Variants in SCN11A observed in about 807,000 individuals in gnomAD.
SCN11A encodes sodium voltage-gated channel alpha subunit 11.
Under a neutral mutation model 162.2 loss-of-function variants are expected in SCN11A, and 122 were observed. That is an observed-to-expected ratio of 0.75 (90% CI 0.65 to 0.87). The LOEUF (loss-of-function observed/expected upper bound fraction) is 0.87, where lower values mean the gene tolerates loss of function less well. SCN11A is among the 40% of genes least tolerant of loss of function. The pLI is 0.00. For missense variants in SCN11A, 2,015 were observed against 2,181.6 expected (o/e 0.92, Z 1.52); for synonymous variants, 758 against 751.5 (o/e 1.01, Z -0.14).
intron 7 of SCN11A, among the ~76,000 whole-genome samples, chr3:38,941,698 GC>G (rs1293610255): frequency 2.0e-5 from 3 of 151,962 alleles, no homozygotes; most frequent in African/African-American, 4.8e-5. Flanking sequence ...AAGCTAAAAG[GC>G]CAGCAGAGGA....
At chr3:39,042,143 C>T (rs1187829388) in intron 1 of SCN11A, among the ~76,000 whole-genome samples, 1 of 152,058 alleles carries the variant, frequency 6.6e-6, no homozygotes, top group East Asian at 1.9e-4. Flanking sequence ...GTGGTAGGCG[C>T]CTGTAGTCCC....
At chr3:38,855,230 C>T (rs778848390) in intron 28 of SCN11A, among the ~76,000 whole-genome samples, 8 of 152,120 alleles carry the variant, frequency 5.3e-5, no homozygotes, top group South Asian at 4.1e-4. Flanking sequence ...GGGAGCTGGG[C>T]GAGGCCTTTC....
chr3:38,926,360 C>T (rs1358282453), intron 8 of SCN11A, among the ~76,000 whole-genome samples: 4 of 152,132 alleles, frequency 2.6e-5, no homozygotes, highest in Non-Finnish European at 5.9e-5. Flanking sequence ...TTTGTTCTTC[C>T]TATATTCTCT....
rs138722444 is a variant in SCN11A at position 38,979,369 on chromosome 3, C to T, written c.-279-18946G>A. Among the ~76,000 whole-genome samples, 4 of 152,320 alleles carry T rather than the reference C, an allele frequency of 2.6e-5. No individual in the cohort carries two copies. The East Asian group carries it at 5.8e-4, about 22-fold the overall frequency. ...TGTGAGAGATATTGTAAGCTTTCTC[C>T]GGTGAGGTCACCACTGCTTCCTTTG... On this transcript the variant is annotated intron_variant, in intron 2 of 29. Coordinates refer to ENST00000302328, the MANE Select transcript of SCN11A (RefSeq NM_001349253.2).
At chr3:38,877,092 T>C (rs544432324) in intron 23 of SCN11A, among the ~76,000 whole-genome samples, 31 of 41,292 alleles carry the variant, frequency 7.5e-4, no homozygotes, top group African/African-American at 2.6e-3. Context: ...ACTATATATA[T>C]GGTATATATA....
At chr3:38,907,033 G>A (rs2126126816) in intron 14 of SCN11A, among the ~76,000 whole-genome samples, 1 of 152,040 alleles carries the variant, frequency 6.6e-6, no homozygotes, top group South Asian at 2.1e-4. Context: ...TGCAGGTAAT[G>A]CTCTCTTTTT....
chr3:39,033,144 T>C (rs1008804438), intron 1 of SCN11A, among the ~76,000 whole-genome samples: 1 of 147,980 alleles, frequency 6.8e-6, no homozygotes, highest in South Asian at 2.2e-4. Flanking sequence ...CAGAAGGAGG[T>C]TGCATCTTGA....
intron 2 of SCN11A, among the ~76,000 whole-genome samples, chr3:38,970,252 G>A (rs985539651): frequency 2.6e-5 from 4 of 152,074 alleles, no homozygotes; most frequent in African/African-American, 9.7e-5. Context: ...TTCCTCTCAG[G>A]AATGAAACAG....
At chr3:39,039,858 C>T (rs1289683066) in intron 1 of SCN11A, among the ~76,000 whole-genome samples, 1 of 152,072 alleles carries the variant, frequency 6.6e-6, no homozygotes, top group Non-Finnish European at 1.5e-5. Flanking sequence ...TTCCCAGGGA[C>T]CAAGGACCTG....
chr3:38,897,119 A>T lies in SCN11A; in HGVS notation c.2129T>A (p.Ile710Asn). The T allele has an allele frequency of 1.9e-6, 3 of 1,614,120 alleles. No homozygotes were observed. Among genetic ancestry groups the T allele is most frequent in the Non-Finnish European group, 1.7e-6 (2 of 1,180,000 alleles). Residue 710 changes from isoleucine (I) to asparagine (N), a missense_variant, in exon 18 of 30, where the codon ATT becomes AAT. Transcript: ENST00000302328. ...AACTACTGAGAAAATAAAGATCACA[A>T]TGACCAGGACCACAGTCAGGCTTCC... ...ALGSLTVVLV[I>N]VIFIFSVVGM...
rs528810411 is a variant in SCN11A, at chr3:38,858,649, T to C, written c.4056+4546A>G. Among the ~76,000 whole-genome samples, 10 of 152,224 alleles carry C rather than the reference T, an allele frequency of 6.6e-5. No individual in the cohort carries two copies. The South Asian group carries it at 1.9e-3, about 28-fold the overall frequency. On this transcript the variant is annotated intron_variant, in intron 28 of 29. Coordinates refer to ENST00000302328, the MANE Select transcript of SCN11A (RefSeq NM_001349253.2). ...GAAACAATGGACTTAAACTATACCC[T>C]AGAACAAATGAAATTAACAGATATT...
intron 2 of SCN11A, among the ~76,000 whole-genome samples, chr3:38,999,965 A>G (rs2030758849): frequency 6.6e-6 from 1 of 152,254 alleles, no homozygotes. Context: ...AAAGGTGATC[A>G]GCTGTAACCT....
At chr3:38,943,611 T>C (rs2066472401) in intron 7 of SCN11A, among the ~76,000 whole-genome samples, 1 of 152,226 alleles carries the variant, frequency 6.6e-6, no homozygotes. Flanking sequence ...AAAAAGTTAA[T>C]ATTTTGGTTA....
In SCN11A at chr3:38,903,866, A is replaced by G; in HGVS notation, c.1841T>C (p.Leu614Ser). 1.9e-6 allele frequency: 3 copies of G among 1,578,152 alleles called. No homozygotes were observed. Among genetic ancestry groups the G allele is most frequent in the Non-Finnish European group, 2.6e-6 (3 of 1,159,174 alleles). Residue 614 changes from leucine to serine, a missense_variant and splice_region_variant, in exon 16 of 30, where the codon TTG becomes TCG. Physicochemically the swap from Leu to Ser is moderately radical, Grantham distance 145. Transcript: ENST00000302328. ...TATTTTTAAAAAGTGTAATGTTACC[A>G]AATTCCCTATATTCAACATCTTCTC... Reference protein sequence around the residue: ...SFEKMLNIGNLVFTSIFIAEM... With the variant: ...SFEKMLNIGNSVFTSIFIAEM...
At chr3:39,015,472 T>C (rs1341684707) in intron 2 of SCN11A, among the ~76,000 whole-genome samples, 10 of 152,206 alleles carry the variant, frequency 6.6e-5, no homozygotes, top group Non-Finnish European at 1.5e-5. Context: ...CATAGGATGA[T>C]CATCTTGAAG....
intron 19 of SCN11A, 27 bp from the exon 20 acceptor site, chr3:38,886,265 T>A: frequency 1.4e-6 from 2 of 1,460,300 alleles, no homozygotes; most frequent in Non-Finnish European, 1.9e-6. Flanking sequence ...AGAATAGAAT[T>A]AATATTCCTC....
chr3:38,964,719 T>C (rs2066770849), intron 2 of SCN11A, among the ~76,000 whole-genome samples: 1 of 152,316 alleles, frequency 6.6e-6, no homozygotes, highest in African/African-American at 2.4e-5. Flanking sequence ...TCTAGTGGTT[T>C]CATGGAGATG....
intron 2 of SCN11A, among the ~76,000 whole-genome samples, chr3:38,963,655 G>A (rs1033033760): frequency 4.6e-5 from 7 of 151,766 alleles, no homozygotes; most frequent in Non-Finnish European, 2.9e-5. Context: ...TGTTCTCACC[G>A]ATATGTGGGA....
Position 38,921,089 on chromosome 3 carries a change from G to A in SCN11A, c.879C>T (p.Asn293=), listed in dbSNP as rs2125548440. 2.5e-6 allele frequency: 4 copies of A among 1,613,950 alleles called. No homozygotes were observed. Among genetic ancestry groups the A allele is most frequent in the Non-Finnish European group, 3.4e-6 (4 of 1,179,882 alleles). ...CISRDCKNIS[N]PEAYDHCFEK... is the part of the protein sequence containing the mutation. ...TTGGGTATTTACCATAAGCTTCCGGGTTACTGATATTTTTACAGTCCCTCG... is the reference window on the plus strand; with the variant it reads ...TTGGGTATTTACCATAAGCTTCCGGATTACTGATATTTTTACAGTCCCTCG... Residue 293 remains asparagine, a synonymous_variant, in exon 10 of 30, where the codon AAC becomes AAT. Coordinates refer to ENST00000302328, the MANE Select transcript of SCN11A (RefSeq NM_001349253.2).
Sources: allele counts gnomAD v4.1 joint callset (sites outside exome capture counted in the v4.1 genomes callset), GRCh38; gene constraint gnomAD v4.1.1; transcripts MANE v1.5; gene names NCBI Gene and HGNC (gene_info 2026-07-23, HGNC 2026-07-21).